Variants in SDK1 observed in about 807,000 individuals in gnomAD.
SDK1 encodes sidekick cell adhesion molecule 1.
SDK1 carries 157 observed loss-of-function variants against 245.5 expected under a neutral mutation model. That is an observed-to-expected ratio of 0.64 (90% CI 0.56 to 0.73). The LOEUF is 0.73. Ranked by LOEUF, SDK1 falls within the 30% of genes least tolerant of loss-of-function variation. SDK1 has a pLI of 0.00. For missense variants in SDK1, 3,583 were observed against 3,002.3 expected, an observed-to-expected ratio of 1.19 and a Z score of -4.52; for synonymous variants, 1,647 against 1,278.5, an observed-to-expected ratio of 1.29 and a Z score of -6.15.
Position 3,301,271 on chromosome 7 carries a change from G to A in SDK1, c.-316G>A. Among the ~76,000 whole-genome samples the A allele has an allele frequency of 7.3e-6, 1 of 137,626 alleles. No individual in the cohort carries two copies. Among genetic ancestry groups the A allele is most frequent in the East Asian group, 2.1e-4 (1 of 4,804 alleles). 90.3% of individuals were successfully genotyped at this position (137,626 alleles called of 152,430 possible). On this transcript the variant is annotated 5_prime_UTR_variant, in exon 1 of 45. Coordinates refer to ENST00000404826, the MANE Select transcript of SDK1 (RefSeq NM_152744.4). ...GCGGGCGCACTTTCTTCTCAGCGCCGGGCGGGGGCGGCGGCGGCGGCGGCT... is the reference window on the plus strand; with the variant it reads ...GCGGGCGCACTTTCTTCTCAGCGCCAGGCGGGGGCGGCGGCGGCGGCGGCT...
At chr7:4,055,974 A>C (rs1482594217) in intron 19 of SDK1, among the ~76,000 whole-genome samples, 1 of 152,156 alleles carries the variant, frequency 6.6e-6, no homozygotes, top group African/African-American at 2.4e-5. Context: ...ATTTGATTCC[A>C]TTATGATCAG....
intron 1 of SDK1, among the ~76,000 whole-genome samples, chr7:3,341,213 G>A (rs1780339835): frequency 2.0e-5 from 3 of 152,178 alleles, no homozygotes; most frequent in African/African-American, 4.8e-5. Context: ...CTGGTTCAAC[G>A]TTCGAAAATC....
chr7:4,123,672 T>A (rs1784207693), intron 25 of SDK1, among the ~76,000 whole-genome samples: 2 of 152,252 alleles, frequency 1.3e-5, no homozygotes, highest in Admixed American at 6.5e-5. Flanking sequence ...ACTGAATGAA[T>A]GACTCTCAAC....
At chr7:3,327,383 G>A (rs1240936921) in intron 1 of SDK1, among the ~76,000 whole-genome samples, 2 of 152,102 alleles carry the variant, frequency 1.3e-5, no homozygotes, top group Non-Finnish European at 2.9e-5. Context: ...CTCCTCTCTG[G>A]CTGCTTAGCT....
At chr7:3,641,037 A>G (rs920813470) in intron 3 of SDK1, among the ~76,000 whole-genome samples, 2 of 149,432 alleles carry the variant, frequency 1.3e-5, no homozygotes, top group African/African-American at 4.9e-5. Flanking sequence ...AACAAATTTC[A>G]TTTTCTTTTG....
At chr7:3,508,831 A>G (rs117863034) in intron 1 of SDK1, among the ~76,000 whole-genome samples, 351 of 152,310 alleles carry the variant, frequency 2.3e-3, no homozygotes, top group African/African-American at 8.2e-3. Context: ...AATGGCTGCT[A>G]TCAGTAGGTG....
intron 1 of SDK1, among the ~76,000 whole-genome samples, chr7:3,613,553 T>C (rs964115915): frequency 6.6e-6 from 1 of 152,156 alleles, no homozygotes. Context: ...GAGTGTAAAT[T>C]AGTTCAGCCA....
chr7:4,182,167 C>T (rs566878600), intron 35 of SDK1, among the ~76,000 whole-genome samples: 8 of 152,318 alleles, frequency 5.3e-5, no homozygotes, highest in African/African-American at 1.7e-4. Context: ...AGTCTGCTCA[C>T]CTTGGCCTCC....
chr7:3,706,255 T>A (rs1363982382), intron 4 of SDK1, among the ~76,000 whole-genome samples: 1 of 152,212 alleles, frequency 6.6e-6, no homozygotes, highest in Non-Finnish European at 1.5e-5. Flanking sequence ...CTTTCCTGGC[T>A]TGGTACCAGG....
chr7:3,706,479 A>G lies in SDK1; in HGVS notation c.713+64374A>G, dbSNP rs540790713. Among the ~76,000 whole-genome samples the G allele has an allele frequency of 2.4e-4, 37 of 152,120 alleles. 1 individual carries two copies. The South Asian group carries it at 6.6e-3, about 27-fold the overall frequency. The stretch of plus-strand genomic sequence containing the variant: ...TGCAGTGGCACGATCTCAGCTCACT[A>G]CAAGCTCCGCCTCCTGGGTTCACAC... On this transcript the variant is annotated intron_variant, in intron 4 of 44. Coordinates refer to ENST00000404826, the MANE Select transcript of SDK1 (RefSeq NM_152744.4).
At chr7:3,362,164 A>G (rs12700827) in intron 1 of SDK1, among the ~76,000 whole-genome samples, 39,886 of 152,120 alleles carry the variant, frequency 0.26, 5,674 homozygotes, top group East Asian at 0.38. Context: ...TGTAGAATCT[A>G]GATGAAATTA....
chr7:4,162,360 GTT>G lies in SDK1; in HGVS notation c.4800+505_4800+506del, dbSNP rs1562372464. 5.1e-3 allele frequency among the ~76,000 whole-genome samples: 585 copies of G among 114,308 alleles called. 1 individual carries two copies. The highest frequency in any genetic ancestry group is 0.016 in the African/African-American group (524 of 33,246). 75.0% of individuals were successfully genotyped at this position (114,308 alleles called of 152,430 possible). On this transcript the variant is annotated intron_variant, in intron 32 of 44. Transcript: ENST00000404826. ...GTGGGTGGTGGTGGTGGTGGTGGTTGTTGTTGTTGTTATTATTATTATTATTA... is the reference window on the plus strand; with the variant it reads ...GTGGGTGGTGGTGGTGGTGGTGGTTGGTTGTTGTTATTATTATTATTATTA...
intron 1 of SDK1, among the ~76,000 whole-genome samples, chr7:3,446,901 T>C (rs1032795898): frequency 6.6e-6 from 1 of 152,188 alleles, no homozygotes; most frequent in Non-Finnish European, 1.5e-5. Flanking sequence ...GCCTGGTTCA[T>C]CTTTTTAGAC....
intron 4 of SDK1, among the ~76,000 whole-genome samples, chr7:3,748,108 A>G (rs1779676654): frequency 6.6e-6 from 1 of 152,194 alleles, no homozygotes. Context: ...ATGATATTTT[A>G]ATGATAAATG....
rs118092945 is a variant in SDK1 at position 3,961,982 on chromosome 7, T to C, written c.1235-675T>C. 1.4e-3 allele frequency among the ~76,000 whole-genome samples: 219 copies of C among 151,048 alleles called. 6 individuals carry two copies. In the East Asian group the frequency reaches 0.034, roughly 24 times the overall value. On this transcript the variant is annotated intron_variant, in intron 8 of 44. Transcript: ENST00000404826. ...ATACACACATAAACACATGCACATA[T>C]ATGCACAAACACACACACATACACA...
At chr7:3,944,067 C>T (rs1780478796) in intron 5 of SDK1, among the ~76,000 whole-genome samples, 1 of 152,172 alleles carries the variant, frequency 6.6e-6, no homozygotes, top group South Asian at 2.1e-4. Flanking sequence ...TAAGGAAGTG[C>T]TTGAGGGAAG....
At chr7:3,334,222 A>C (rs1780142294) in intron 1 of SDK1, among the ~76,000 whole-genome samples, 1 of 152,162 alleles carries the variant, frequency 6.6e-6, no homozygotes, top group Non-Finnish European at 1.5e-5. Context: ...TTCCACATTT[A>C]TGGTTTCCGA....
In SDK1 at chr7:3,875,807, C is replaced by T. The variant is rs114859993; in HGVS notation, c.847+54224C>T. On this transcript the variant is annotated intron_variant, in intron 5 of 44. Coordinates refer to ENST00000404826, the MANE Select transcript of SDK1 (RefSeq NM_152744.4). ...GACTCTTTGTGGATACCCCTGAAAC[C>T]CCTATATCCTTGGGAATCTCCACCT... 4.6e-3 allele frequency among the ~76,000 whole-genome samples: 705 copies of T among 152,174 alleles called. 5 individuals are homozygous for T. Among genetic ancestry groups the T allele is most frequent in the African/African-American group, 0.016 (659 of 41,488 alleles).
At chr7:4,138,551 A>G (rs995475558) in intron 28 of SDK1, among the ~76,000 whole-genome samples, 34 of 152,152 alleles carry the variant, frequency 2.2e-4, no homozygotes, top group Admixed American at 2.1e-3. Context: ...GTTCGAGACC[A>G]GCCTGGCCAA....
Sources: allele counts gnomAD v4.1 joint callset (sites outside exome capture counted in the v4.1 genomes callset), GRCh38; gene constraint gnomAD v4.1.1; transcripts MANE v1.5; gene names NCBI Gene and HGNC (gene_info 2026-07-23, HGNC 2026-07-21).